The following SMC1B variants were observed in gnomAD, a reference collection of about 807,000 sequenced individuals.
SMC1B encodes the protein structural maintenance of chromosomes 1B.
A neutral mutation model predicts 157.9 loss-of-function variants in SMC1B; 60 were observed. The observed-to-expected ratio is 0.38, with a 90% CI of 0.31 to 0.47. The LOEUF (loss-of-function observed/expected upper bound fraction) is 0.47, where lower values mean the gene tolerates loss of function less well. SMC1B is among the 20% of genes least tolerant of loss of function. The probability of loss-of-function intolerance (pLI) is 0.99; values close to 1 mark genes in which losing one functional copy is unlikely to be tolerated. For missense variants in SMC1B, 1,165 were observed against 1,426.2 expected (o/e 0.82, Z 2.95); for synonymous variants, 445 against 483.0 (o/e 0.92, Z 1.03).
At chr22:45,374,554 G>T (rs563949638) in intron 12 of SMC1B, among the ~76,000 whole-genome samples, 6 of 152,236 alleles carry the variant, frequency 3.9e-5, no homozygotes, top group African/African-American at 1.4e-4. Flanking sequence ...TTTACAGTTT[G>T]GACCAAATTC....
chr22:45,371,415 T>C (rs1276207182), intron 14 of SMC1B, 56 bp downstream of exon 14: 1 of 1,477,496 alleles, frequency 6.8e-7, no homozygotes, highest in African/African-American at 1.5e-5. Context: ...GCCCTAAATC[T>C]AGTATCTGGT....
chr22:45,383,976 G>T (rs1204070556), intron 11 of SMC1B, among the ~76,000 whole-genome samples: 1 of 152,134 alleles, frequency 6.6e-6, no homozygotes, highest in Non-Finnish European at 1.5e-5. Flanking sequence ...AAATGTACAA[G>T]TGAGATAACT....
chr22:45,380,218 A>G (rs535835879), intron 12 of SMC1B, among the ~76,000 whole-genome samples: 1 of 152,070 alleles, frequency 6.6e-6, no homozygotes, highest in Admixed American at 6.5e-5. Flanking sequence ...TTTTGTTTAA[A>G]CGTATAAGGA....
rs1465110316 is a variant in SMC1B at position 45,381,999 on chromosome 22, C to G, written c.2058+1468G>C. ...CAATAAATGAGGGAATTACAATATT[C>G]AACAAATGATACTTTTGTAAAATGG... On this transcript the variant is annotated intron_variant, in intron 12 of 24. Coordinates refer to ENST00000357450, the MANE Select transcript of SMC1B (RefSeq NM_148674.5). Among the ~76,000 whole-genome samples, 7 of 152,060 alleles carry G rather than the reference C, an allele frequency of 4.6e-5. 1 individual carries two copies. Among genetic ancestry groups the G allele is most frequent in the Admixed American group, 3.9e-4 (6 of 15,264 alleles).
intron 12 of SMC1B, among the ~76,000 whole-genome samples, chr22:45,372,596 G>A (rs186853439): frequency 6.6e-6 from 1 of 152,056 alleles, no homozygotes; most frequent in East Asian, 1.9e-4. Flanking sequence ...TCATGTAATT[G>A]CCTTGTTTTT....
At chr22:45,404,256 C>CA (rs1373167340) in intron 4 of SMC1B, among the ~76,000 whole-genome samples, 152,339 of 152,374 alleles carry the variant, frequency 1, 76,152 homozygotes, top group Non-Finnish European at 1. Flanking sequence ...GGGTTTTATT[C>CA]ACCCTATATC....
At chr22:45,400,755 T>C (rs1463031921) in intron 5 of SMC1B, among the ~76,000 whole-genome samples, 1 of 152,188 alleles carries the variant, frequency 6.6e-6, no homozygotes, top group Non-Finnish European at 1.5e-5. Context: ...TCAACAGTGA[T>C]ACCATGTTGA....
intron 23 of SMC1B, among the ~76,000 whole-genome samples, chr22:45,346,010 C>G (rs2086547991): frequency 6.6e-6 from 1 of 151,884 alleles, no homozygotes; most frequent in Non-Finnish European, 1.5e-5. Flanking sequence ...TCAAAACCAG[C>G]CTGGCCAACA....
intron 12 of SMC1B, among the ~76,000 whole-genome samples, chr22:45,380,333 G>A (rs136584): frequency 0.13 from 19,988 of 152,066 alleles, 1,409 homozygotes; most frequent in South Asian, 0.24. Flanking sequence ...CCAAACGTAC[G>A]TGAAACTCTG....
At chr22:45,360,316 TTAA>T (rs1479081250) in intron 17 of SMC1B, among the ~76,000 whole-genome samples, 2 of 152,160 alleles carry the variant, frequency 1.3e-5, no homozygotes, top group Non-Finnish European at 2.9e-5. Flanking sequence ...TCACATACAC[TTAA>T]TAATCTGTTT....
chr22:45,401,855 C>CGAGGT (rs1555933554), intron 5 of SMC1B, among the ~76,000 whole-genome samples: 1 of 27,016 alleles, frequency 3.7e-5, no homozygotes. Context: ...GGTATTACCC[C>CGAGGT]AAACACCACC....
At chr22:45,346,475 CAA>C (rs544823926) in intron 23 of SMC1B, among the ~76,000 whole-genome samples, 8 of 152,102 alleles carry the variant, frequency 5.3e-5, no homozygotes, top group Non-Finnish European at 1.0e-4. Flanking sequence ...AACAGTCTAA[CAA>C]AGGTAATACC....
intron 13 of SMC1B, 51 bp from the exon 14 acceptor site, chr22:45,371,638 T>C (rs2086833287): frequency 5.9e-6 from 9 of 1,538,014 alleles, no homozygotes; most frequent in African/African-American, 2.8e-5. Flanking sequence ...TAGCTTTATA[T>C]AGTGAAGCCA....
At chr22:45,344,909 T>TAA (rs1187461718) in intron 24 of SMC1B, among the ~76,000 whole-genome samples, 1 of 152,180 alleles carries the variant, frequency 6.6e-6, no homozygotes, top group African/African-American at 2.4e-5. Flanking sequence ...TATCTTTGCT[T>TAA]AAAGGAAAAT....
At position 45,399,090 on chromosome 22, in the gene SMC1B, T is replaced by C; in HGVS notation, c.1113+5A>G. On this transcript the variant is annotated splice_donor_5th_base_variant and intron_variant, in intron 6 of 24. Coordinates refer to ENST00000357450, the MANE Select transcript of SMC1B (RefSeq NM_148674.5). ...CAAGATTTCCCCTAAGTTGTCCTTT[T>C]TTACCTGACTGGCTTCCAGTTCAAT... The C allele has an allele frequency of 6.2e-7, 1 of 1,609,346 alleles. No homozygotes were observed. Among genetic ancestry groups the C allele is most frequent in the Non-Finnish European group, 8.5e-7 (1 of 1,179,026 alleles).
chr22:45,370,942 AATTAATCAATGGGT>A (rs1369245752), intron 14 of SMC1B, among the ~76,000 whole-genome samples: 5 of 152,192 alleles, frequency 3.3e-5, no homozygotes, highest in Non-Finnish European at 7.3e-5. Flanking sequence ...CAATGGGTGG[AATTAATCAATGGGT>A]GGTGTAACAA....
chr22:45,362,922 A>G lies in SMC1B; in HGVS notation c.2525T>C (p.Ile842Thr), dbSNP rs2086735989. ...LNKINTLKET[I>T]QKGSEDIDHL... Reference sequence around the variant, plus strand: ...ATCAATATCTTCACTACCTTTCTGGATAGTTTCTTTTAATGTGTTGATCTT... The same window carrying G: ...ATCAATATCTTCACTACCTTTCTGGGTAGTTTCTTTTAATGTGTTGATCTT... Residue 842 changes from isoleucine (I) to threonine (T), a missense_variant, in exon 16 of 25, where the codon ATC (isoleucine) becomes ACC (threonine). Physicochemically the swap from Ile to Thr is moderately conservative, Grantham distance 89. Coordinates refer to ENST00000357450, the MANE Select transcript of SMC1B (RefSeq NM_148674.5). The G allele has an allele frequency of 1.2e-6, 2 of 1,603,672 alleles. No individual in the cohort carries two copies. The highest frequency in any genetic ancestry group is 8.5e-7 in the Non-Finnish European group (1 of 1,174,852).
chr22:45,396,559 C>A (rs978840616), intron 6 of SMC1B, 73 bp from the exon 7 acceptor site: 1 of 1,337,880 alleles, frequency 7.5e-7, no homozygotes, highest in East Asian at 2.4e-5. Flanking sequence ...GTATGAAATC[C>A]TGTACTAGAA....
chr22:45,392,193 T>C (rs2087067292), intron 9 of SMC1B, among the ~76,000 whole-genome samples: 1 of 152,028 alleles, frequency 6.6e-6, no homozygotes, highest in Admixed American at 6.5e-5. Flanking sequence ...AAGTGATCCA[T>C]CCACTTCGGC....
Sources: allele counts gnomAD v4.1 joint callset (sites outside exome capture counted in the v4.1 genomes callset), GRCh38; gene constraint gnomAD v4.1.1; transcripts MANE v1.5; gene names NCBI Gene and HGNC (gene_info 2026-07-23, HGNC 2026-07-21).